Variants in DLEU7 observed in about 807,000 individuals in gnomAD.
The protein encoded by DLEU7 is leukemia-associated protein 7.
A neutral mutation model predicts 16.0 loss-of-function variants in DLEU7; 17 were observed. That is an observed-to-expected ratio of 1.06 (90% CI 0.73 to 1.59). The LOEUF is 1.59. Ranked by LOEUF, DLEU7 falls within the 40% of genes most tolerant of loss-of-function variation. The pLI, the probability that DLEU7 is intolerant of heterozygous loss-of-function variation, is 0.00. For missense variants in DLEU7, 308 were observed against 314.9 expected (o/e 0.98, Z 0.17); for synonymous variants, 113 against 139.8 (o/e 0.81, Z 1.35).
chr13:50,843,782 G>A, upstream of DLEU7: 1 of 1,209,522 alleles, frequency 8.3e-7, no homozygotes, highest in South Asian at 1.6e-5. This position sits in a 1 kb window ranked among gnomAD's most constrained non-coding sequence, Gnocchi z 5.7. Flanking sequence ...GTGTGTGGTC[G>A]GCCCCGCCCC....
At chr13:50,789,416 A>G (rs1875885918) in intron 1 of DLEU7, among the ~76,000 whole-genome samples, 1 of 146,034 alleles carries the variant, frequency 6.8e-6, no homozygotes, top group Non-Finnish European at 1.5e-5. Flanking sequence ...GGAACTTGAC[A>G]TACTAGATAA....
chr13:50,830,392 T>C (rs915825446), intron 1 of DLEU7, among the ~76,000 whole-genome samples: 2 of 152,234 alleles, frequency 1.3e-5, no homozygotes, highest in African/African-American at 4.8e-5. Flanking sequence ...GTACTTGATC[T>C]ATAAAGAGCT....
chr13:50,840,827 A>T (rs1384629548), intron 1 of DLEU7, among the ~76,000 whole-genome samples: 2 of 152,170 alleles, frequency 1.3e-5, no homozygotes, highest in African/African-American at 2.4e-5. Context: ...AAAAATGAAG[A>T]TGAGTAGAAA....
chr13:50,792,395 C>T (rs991378398), intron 1 of DLEU7, among the ~76,000 whole-genome samples: 1 of 152,144 alleles, frequency 6.6e-6, no homozygotes, highest in African/African-American at 2.4e-5. Flanking sequence ...CATAAACATA[C>T]CTCATAAACC....
intron 1 of DLEU7, among the ~76,000 whole-genome samples, chr13:50,741,875 T>C (rs1874259148): frequency 6.6e-6 from 1 of 152,180 alleles, no homozygotes; most frequent in Non-Finnish European, 1.5e-5. Context: ...AGTTTTTGCA[T>C]GGGAGGGCCA....
chr13:50,747,216 T>A (rs1484910547), intron 1 of DLEU7, among the ~76,000 whole-genome samples: 1 of 152,022 alleles, frequency 6.6e-6, no homozygotes, highest in Non-Finnish European at 1.5e-5. Flanking sequence ...TGTCTGCAGG[T>A]TGGGAAACTA....
chr13:50,801,984 G>T (rs1039422337), intron 1 of DLEU7, among the ~76,000 whole-genome samples: 7 of 152,000 alleles, frequency 4.6e-5, no homozygotes, highest in African/African-American at 1.7e-4. Flanking sequence ...GTCTGGAGGT[G>T]GGCAAGGAAG....
intron 1 of DLEU7, among the ~76,000 whole-genome samples, chr13:50,816,357 A>C (rs777576334): frequency 3.9e-5 from 6 of 152,130 alleles, no homozygotes; most frequent in Non-Finnish European, 8.8e-5. Flanking sequence ...ATATACTTCC[A>C]TTCTGAGTTA....
chr13:50,766,783 G>C (rs1039572753), intron 1 of DLEU7, among the ~76,000 whole-genome samples: 1 of 152,022 alleles, frequency 6.6e-6, no homozygotes, highest in African/African-American at 2.4e-5. Context: ...CCTAAGACTC[G>C]ACACACTTGA....
chr13:50,812,273 A>G (rs1876593158), intron 1 of DLEU7, among the ~76,000 whole-genome samples: 1 of 152,128 alleles, frequency 6.6e-6, no homozygotes. Flanking sequence ...AGGAGTGGAC[A>G]CTGGATCTCA....
In DLEU7 at chr13:50,806,875, G is replaced by A. The variant is rs60381454; in HGVS notation, c.459+36313C>T. Among the ~76,000 whole-genome samples, 611 of 151,094 alleles carry A rather than the reference G, an allele frequency of 4.0e-3. 3 individuals are homozygous for A. The highest frequency in any genetic ancestry group is 0.015 in the African/African-American group (597 of 40,974). ...GGAGAATTGCTTGAGCCTGGGAAGTGGAGGTTGCAATGAGCAGAGATCGCA... is the reference window on the plus strand; with the variant it reads ...GGAGAATTGCTTGAGCCTGGGAAGTAGAGGTTGCAATGAGCAGAGATCGCA... On this transcript the variant is annotated intron_variant, in intron 1 of 1. Coordinates refer to the DLEU7 transcript ENST00000400393.
At chr13:50,724,088 T>A (rs1236820430) in intron 1 of DLEU7, among the ~76,000 whole-genome samples, 5 of 152,074 alleles carry the variant, frequency 3.3e-5, no homozygotes, top group African/African-American at 1.2e-4. Context: ...TTTTAAATTA[T>A]GAGGTACAGA....
chr13:50,836,158 A>G (rs1877453321), intron 1 of DLEU7, among the ~76,000 whole-genome samples: 1 of 152,188 alleles, frequency 6.6e-6, no homozygotes. Flanking sequence ...TCTTTTGAAA[A>G]CAGTCACCTC....
At chr13:50,773,274 C>T (rs1241228412) in intron 1 of DLEU7, among the ~76,000 whole-genome samples, 3 of 152,072 alleles carry the variant, frequency 2.0e-5, no homozygotes, top group African/African-American at 7.2e-5. Flanking sequence ...TTTTGTTAAC[C>T]CATCAAAGTC....
At chr13:50,713,006 T>C in exon 2 of DLEU7, 4 of 558,132 alleles carry the variant, frequency 7.2e-6, no homozygotes, top group Non-Finnish European at 9.6e-6. Context: ...AGCAGGATGA[T>C]TTGTGGCGCG....
chr13:50,832,552 A>C (rs1877313723), intron 1 of DLEU7, among the ~76,000 whole-genome samples: 2 of 152,114 alleles, frequency 1.3e-5, no homozygotes, highest in South Asian at 4.1e-4. Context: ...TTGCTTCTCT[A>C]GTTCTTTTAA....
Position 50,823,449 on chromosome 13 carries a change from G to A in DLEU7, c.531C>T (p.Asp177=). The change falls in exon 2 of 2, where the codon GAC becomes GAT. Residue 177 remains aspartate (D), a synonymous_variant. Coordinates refer to ENST00000504404, the MANE Select transcript of DLEU7 (RefSeq NM_001306135.2). ...LQIEGQQFDR[D]LNAAHQCLKT... ...TCAAACACTGGTGGGCAGCATTCAAGTCTCTGTCAAACTGCTGTCCTTCAA... is the reference window on the plus strand; with the variant it reads ...TCAAACACTGGTGGGCAGCATTCAAATCTCTGTCAAACTGCTGTCCTTCAA... The A allele has an allele frequency of 1.3e-6, 2 of 1,535,972 alleles. No homozygotes were observed. The highest frequency in any genetic ancestry group is 1.2e-5 in the South Asian group (1 of 84,060).
At chr13:50,793,775 T>C (rs1876035153) in intron 1 of DLEU7, among the ~76,000 whole-genome samples, 1 of 152,290 alleles carries the variant, frequency 6.6e-6, no homozygotes, top group South Asian at 2.1e-4. Context: ...GCTTAGTTAG[T>C]GAGTATTTTC....
chr13:50,792,863 C>CT (rs34476833), intron 1 of DLEU7, among the ~76,000 whole-genome samples: 43,971 of 145,252 alleles, frequency 0.3, 6,730 homozygotes, highest in East Asian at 0.51. Context: ...CTTTGCTCCT[C>CT]TTTTTTTTTT....
Sources: gnomAD v4.1 joint callset for allele counts (sites outside exome capture counted in the v4.1 genomes callset) on GRCh38, gnomAD v4.1.1 for gene constraint, Gnocchi (gnomAD v3.1) non-coding constraint, MANE v1.5 for transcripts, NCBI Gene and HGNC (gene_info 2026-07-23, HGNC 2026-07-21) for gene names.